The following SCN9A variants were observed in gnomAD, a reference collection of about 807,000 sequenced individuals.
SCN9A encodes sodium voltage-gated channel alpha subunit 9.
SCN9A carries 131 observed loss-of-function variants against 187.0 expected under a neutral mutation model. That is an observed-to-expected ratio of 0.70 (90% CI 0.61 to 0.81). SCN9A has a LOEUF of 0.81. Among genes scored for constraint, SCN9A ranks in the 30% least tolerant of loss-of-function variants. The probability of loss-of-function intolerance (pLI) is 0.00; values close to 1 mark genes in which losing one functional copy is unlikely to be tolerated. For synonymous variants in SCN9A, 809 were observed against 808.6 expected (o/e 1.00, Z -0.01); for missense variants, 2,252 against 2,396.6 (o/e 0.94, Z 1.26).
intron 12 of SCN9A, among the ~76,000 whole-genome samples, chr2:166,282,763 C>T (rs1391414209): frequency 6.6e-6 from 1 of 152,138 alleles, no homozygotes; most frequent in African/African-American, 2.4e-5. Flanking sequence ...TAGATATGTG[C>T]ATGGGTGTAT....
chr2:166,271,850 C>T (rs1421822337), intron 17 of SCN9A, among the ~76,000 whole-genome samples: 3 of 151,096 alleles, frequency 2.0e-5, no homozygotes, highest in Non-Finnish European at 4.4e-5. Context: ...AGAGTGAGAC[C>T]TGTCTCCGTT....
intron 19 of SCN9A, among the ~76,000 whole-genome samples, chr2:166,241,124 G>T (rs994829155): frequency 1.3e-5 from 2 of 152,072 alleles, no homozygotes; most frequent in Non-Finnish European, 2.9e-5. Flanking sequence ...CAACCTATTA[G>T]CATATAAGTA....
intron 26 of SCN9A, among the ~76,000 whole-genome samples, chr2:166,201,691 TAC>T (rs1404075886): frequency 6.7e-6 from 1 of 150,260 alleles, no homozygotes; most frequent in Non-Finnish European, 1.5e-5. Flanking sequence ...CTATACTATA[TAC>T]ATAGTATGTG....
At chr2:166,222,819 T>C (rs1285036712) in intron 24 of SCN9A, among the ~76,000 whole-genome samples, 1 of 143,716 alleles carries the variant, frequency 7.0e-6, no homozygotes, top group Non-Finnish European at 1.5e-5. Context: ...TAGTCCCAGC[T>C]ACACGGGAGG....
chr2:166,309,053 A>G (rs1397127091), intron 2 of SCN9A, among the ~76,000 whole-genome samples: 1 of 152,084 alleles, frequency 6.6e-6, no homozygotes, highest in East Asian at 1.9e-4. Flanking sequence ...AGAAAAATGA[A>G]AAGAAGAAAG....
rs138730903 is a variant in SCN9A, at chr2:166,244,105, C to T, written c.3473-1449G>A. ...AAAACCACAGGAGGAGGAGCTGACT[C>T]GGCAGGTAATGATTTTGAGATGCCT... is the stretch of plus-strand genomic sequence containing the variant. On this transcript the variant is annotated intron_variant, in intron 18 of 26. Transcript: ENST00000642356. Among the ~76,000 whole-genome samples the T allele has an allele frequency of 2.9e-4, 44 of 152,092 alleles. No individual in the cohort carries two copies. The East Asian group carries it at 7.7e-3, about 27-fold the overall frequency.
chr2:166,222,708 G>A (rs1318299050), intron 24 of SCN9A, among the ~76,000 whole-genome samples: 1 of 143,070 alleles, frequency 7.0e-6, no homozygotes, highest in African/African-American at 2.9e-5. Context: ...CGAGACGGGC[G>A]GATCACGAGG....
In SCN9A at chr2:166,294,615, A is replaced by C. The variant is rs1291278916; in HGVS notation, c.949T>G (p.Phe317Val). The C allele has an allele frequency of 6.2e-7, 1 of 1,610,842 alleles. No individual in the cohort carries two copies. The highest frequency in any genetic ancestry group is 2.2e-5 in the East Asian group (1 of 44,752). The part of the protein sequence containing the change: ...EGSKDALLCG[F>V]STDSGQCPEG... Reference sequence around the variant, plus strand: ...ATTACATACCCTGAATCTGTGCTGAAACCACAAAGGAGAGCATCTTTGGAT... The same window carrying C: ...ATTACATACCCTGAATCTGTGCTGACACCACAAAGGAGAGCATCTTTGGAT... The change falls in exon 8 of 27, where the codon TTC becomes GTC. Residue 317 changes from phenylalanine to valine, a missense_variant. By Grantham distance (50) the Phe-to-Val change is conservative. Around this residue, in one of 7 missense-constraint regions of SCN9A, gnomAD observed 1,013 missense variants for 997.4 expected, o/e 1.02. Coordinates refer to ENST00000642356, the MANE Select transcript of SCN9A (RefSeq NM_001365536.1).
chr2:166,339,604 C>T (rs1340046060), intron 1 of SCN9A, among the ~76,000 whole-genome samples: 1 of 151,806 alleles, frequency 6.6e-6, no homozygotes, highest in Non-Finnish European at 1.5e-5. Flanking sequence ...TCTCTTTCAC[C>T]CCAATAAATG....
At chr2:166,367,192 C>T (rs1281904508) in intron 1 of SCN9A, among the ~76,000 whole-genome samples, 1 of 152,216 alleles carries the variant, frequency 6.6e-6, no homozygotes. Context: ...CTGCTAGCTC[C>T]AGGATCTCAA....
chr2:166,245,969 G>A (rs891062092), intron 18 of SCN9A, among the ~76,000 whole-genome samples: 1 of 151,954 alleles, frequency 6.6e-6, no homozygotes, highest in Non-Finnish European at 1.5e-5. Context: ...TTGATATAAG[G>A]TTATTTTCTA....
intron 1 of SCN9A, among the ~76,000 whole-genome samples, chr2:166,316,627 G>C (rs1335994074): frequency 6.6e-6 from 1 of 152,242 alleles, no homozygotes; most frequent in Admixed American, 6.5e-5. Context: ...CCAGGAGGCG[G>C]AGCTTGCAGT....
chr2:166,368,146 G>T (rs1700462952), intron 1 of SCN9A, among the ~76,000 whole-genome samples: 1 of 152,122 alleles, frequency 6.6e-6, no homozygotes, highest in African/African-American at 2.4e-5. Flanking sequence ...TCTTTGGAAA[G>T]GTTAGGTAAT....
At chr2:166,221,006 T>A (rs1292687090) in intron 24 of SCN9A, among the ~76,000 whole-genome samples, 1 of 152,210 alleles carries the variant, frequency 6.6e-6, no homozygotes. Flanking sequence ...CCTGCGTTTC[T>A]ATACACTAAC....
chr2:166,257,974 T>A (rs1344169403), intron 17 of SCN9A, among the ~76,000 whole-genome samples: 1 of 151,580 alleles, frequency 6.6e-6, no homozygotes, highest in East Asian at 1.9e-4. Context: ...CTAAAATAAC[T>A]AATTTTTCAT....
At position 166,227,656 on chromosome 2, in the gene SCN9A, TA is replaced by T; in HGVS notation, c.4260+13del. The T allele has an allele frequency of 7.0e-7, 1 of 1,436,102 alleles. No homozygotes were observed. Among genetic ancestry groups the T allele is most frequent in the Non-Finnish European group, 9.6e-7 (1 of 1,040,274 alleles). 89.0% of individuals were successfully genotyped at this position (1,436,102 alleles called of 1,614,324 possible). ...TTAAAAATAAAGTTTAGTGCTAAGA[TA>T]ATCAATACTTACATTAACAGAATCC... On this transcript the variant is annotated intron_variant, in intron 23 of 26. Coordinates refer to ENST00000642356, the MANE Select transcript of SCN9A (RefSeq NM_001365536.1).
At chr2:166,357,604 C>T (rs1286604958) in intron 1 of SCN9A, among the ~76,000 whole-genome samples, 2 of 152,138 alleles carry the variant, frequency 1.3e-5, no homozygotes, top group African/African-American at 2.4e-5. Flanking sequence ...AAAAGGAAGG[C>T]GGCACTCTGG....
intron 24 of SCN9A, among the ~76,000 whole-genome samples, chr2:166,212,168 A>G (rs1694125615): frequency 6.6e-6 from 1 of 152,212 alleles, no homozygotes; most frequent in Non-Finnish European, 1.5e-5. Flanking sequence ...CAGAACCCCA[A>G]GGGATACCAA....
chr2:166,308,828 A>G (rs973439458), intron 2 of SCN9A, among the ~76,000 whole-genome samples: 2 of 143,766 alleles, frequency 1.4e-5, no homozygotes, highest in Non-Finnish European at 3.0e-5. Context: ...CTGGAGGCTG[A>G]GGTGGGAGAA....
Sources: gnomAD v4.1 joint callset for allele counts (sites outside exome capture counted in the v4.1 genomes callset) on GRCh38, gnomAD v4.1.1 for gene constraint, gnomAD v4.1.1 regional missense constraint, MANE v1.5 for transcripts, NCBI Gene and HGNC (gene_info 2026-07-23, HGNC 2026-07-21) for gene names.